INPP5A: variants seen among roughly 807,000 people sequenced by gnomAD.
INPP5A encodes inositol polyphosphate-5-phosphatase A.
INPP5A carries 14 observed loss-of-function variants against 65.2 expected under a neutral mutation model. The ratio of observed to expected loss-of-function variants is 0.21; its 90% confidence interval spans 0.14 to 0.34. INPP5A has a LOEUF of 0.34. INPP5A is among the 10% of genes least tolerant of loss of function. The probability of loss-of-function intolerance (pLI) is 1.00; values close to 1 mark genes in which losing one functional copy is unlikely to be tolerated. For synonymous variants in INPP5A, 207 were observed against 208.3 expected (o/e 0.99, Z 0.05); for missense variants, 431 against 545.6 (o/e 0.79, Z 2.09).
At position 132,545,304 on chromosome 10, in the gene INPP5A, A is replaced by G. The variant is rs749721377; in HGVS notation, c.75+7133A>G. Among the ~76,000 whole-genome samples, 1 of 152,168 alleles carries G rather than the reference A, an allele frequency of 6.6e-6. No homozygotes were observed. The highest frequency in any genetic ancestry group is 6.5e-5 in the Admixed American group (1 of 15,290). On this transcript the variant is annotated intron_variant, in intron 1 of 15. Coordinates refer to ENST00000368594, the MANE Select transcript of INPP5A (RefSeq NM_005539.5). This position sits in a 1 kb window ranked among gnomAD's most constrained non-coding sequence, Gnocchi z 4.6. Reference sequence around the variant, plus strand: ...TGCCCCACCGTGAAGCATCAAATTTAGAGCCCCTCTGTCCAGGGGCTAGAG... The same window carrying G: ...TGCCCCACCGTGAAGCATCAAATTTGGAGCCCCTCTGTCCAGGGGCTAGAG...
rs543267029 is a variant in INPP5A, at chr10:132,686,539, T to C, written c.307-3853T>C. On this transcript the variant is annotated intron_variant, in intron 4 of 15. Coordinates refer to ENST00000368594, the MANE Select transcript of INPP5A (RefSeq NM_005539.5). ...TGGTGTCTGTGATAAATGGGTGCCC[T>C]GAACCGTATTGATGGGACAGGGTAA... 1.1e-4 allele frequency among the ~76,000 whole-genome samples: 17 copies of C among 152,296 alleles called. No individual in the cohort carries two copies. The South Asian group carries it at 3.1e-3, about 28-fold the overall frequency.
chr10:132,614,992 G>A (rs112815099), intron 2 of INPP5A, among the ~76,000 whole-genome samples: 5,564 of 152,312 alleles, frequency 0.037, 313 homozygotes, highest in African/African-American at 0.13. Context: ...TTTTGTTGCC[G>A]CAGCCTGAGT....
chr10:132,585,818 C>T lies in INPP5A; in HGVS notation c.76-22097C>T, dbSNP rs149611757. On this transcript the variant is annotated intron_variant, in intron 1 of 15. Coordinates refer to ENST00000368594, the MANE Select transcript of INPP5A (RefSeq NM_005539.5). ...TGTGACGCTCCCCACAGATGTGTGT[C>T]GTCAGCGGCTGCCCTGCAGGTGGAG... is the stretch of plus-strand genomic sequence containing the variant. Among the ~76,000 whole-genome samples the T allele has an allele frequency of 5.0e-4, 76 of 152,298 alleles. No individual in the cohort carries two copies. In the East Asian group the frequency reaches 0.014, roughly 27 times the overall value.
At chr10:132,635,212 A>G (rs2072328332) in intron 2 of INPP5A, among the ~76,000 whole-genome samples, 1 of 152,142 alleles carries the variant, frequency 6.6e-6, no homozygotes, top group East Asian at 1.9e-4. Context: ...AGTCTAGACC[A>G]CTAACCCTGT....
chr10:132,752,950 G>A (rs1018494234), intron 11 of INPP5A, among the ~76,000 whole-genome samples: 2 of 152,128 alleles, frequency 1.3e-5, no homozygotes, highest in Non-Finnish European at 1.5e-5. Flanking sequence ...TGAGGCACCC[G>A]GTGTGATTGC....
chr10:132,724,403 C>T (rs1179682988), intron 8 of INPP5A, among the ~76,000 whole-genome samples: 1 of 152,196 alleles, frequency 6.6e-6, no homozygotes, highest in Non-Finnish European at 1.5e-5. Flanking sequence ...GTGGGGGCTC[C>T]ATGCCCGCGT....
At chr10:132,540,222 A>G (rs2070891053) in intron 1 of INPP5A, among the ~76,000 whole-genome samples, 1 of 152,198 alleles carries the variant, frequency 6.6e-6, no homozygotes, top group South Asian at 2.1e-4. Flanking sequence ...CTTTCCAGTA[A>G]TCTTTGATTC....
chr10:132,738,418 C>T (rs754675091), intron 9 of INPP5A, among the ~76,000 whole-genome samples: 1 of 152,244 alleles, frequency 6.6e-6, no homozygotes, highest in African/African-American at 2.4e-5. Flanking sequence ...TTGCCACATC[C>T]CCCTCCCCAC....
chr10:132,730,751 C>T (rs1197440075), intron 9 of INPP5A, among the ~76,000 whole-genome samples: 2 of 152,186 alleles, frequency 1.3e-5, no homozygotes, highest in Non-Finnish European at 2.9e-5. Context: ...TCTTGAAGTC[C>T]CAGCCGCGTT....
chr10:132,662,152 C>T (rs61862799), intron 4 of INPP5A, among the ~76,000 whole-genome samples: 42 of 152,274 alleles, frequency 2.8e-4, no homozygotes, highest in Non-Finnish European at 4.6e-4. Flanking sequence ...CCTATGAAGA[C>T]GACCGTGGCA....
chr10:132,665,818 G>A (rs1007467753), intron 4 of INPP5A, among the ~76,000 whole-genome samples: 1 of 151,932 alleles, frequency 6.6e-6, no homozygotes, highest in Non-Finnish European at 1.5e-5. Flanking sequence ...ACTCTGGGAG[G>A]CTGAGGCAGG....
At chr10:132,723,976 A>G (rs572303468) in intron 8 of INPP5A, among the ~76,000 whole-genome samples, 2 of 152,314 alleles carry the variant, frequency 1.3e-5, no homozygotes, top group East Asian at 3.9e-4. Context: ...GTTACAACTG[A>G]GATTTAACCT....
At chr10:132,690,505 C>T (rs758946278) in intron 5 of INPP5A, 50 bp downstream of exon 5, 4 of 1,388,532 alleles carry the variant, frequency 2.9e-6, no homozygotes, top group Non-Finnish European at 4.1e-6. Context: ...CTCACCCCTC[C>T]TGGTGTCTGG....
rs2072967323 is a variant in INPP5A at position 132,676,578 on chromosome 10, CAG to C, written c.307-13813_307-13812del. On this transcript the variant is annotated intron_variant, in intron 4 of 15. Coordinates refer to ENST00000368594, the MANE Select transcript of INPP5A (RefSeq NM_005539.5). The surrounding 1 kb of genome is among the most constrained non-coding windows in gnomAD (Gnocchi z 4.0). ...AACACAAGCAGGTGACTGTGTGGGACAGGGCTGCCCAAACCGCCGCTGGCCTA... is the reference window on the plus strand; with the variant it reads ...AACACAAGCAGGTGACTGTGTGGGACGGCTGCCCAAACCGCCGCTGGCCTA... Among the ~76,000 whole-genome samples the C allele has an allele frequency of 2.0e-5, 3 of 152,180 alleles. No individual in the cohort carries two copies. The South Asian group carries it at 6.2e-4, about 32-fold the overall frequency.
Position 132,741,524 on chromosome 10 carries a change from C to T in INPP5A, c.733-7993C>T, listed in dbSNP as rs12267464. 0.015 allele frequency among the ~76,000 whole-genome samples: 2,343 copies of T among 152,288 alleles called. 64 individuals carry two copies. Among genetic ancestry groups the T allele is most frequent in the African/African-American group, 0.052 (2,162 of 41,546 alleles). On this transcript the variant is annotated intron_variant, in intron 9 of 15. Transcript: ENST00000368594. This position sits in a 1 kb window ranked among gnomAD's most constrained non-coding sequence, Gnocchi z 4.4. The stretch of plus-strand genomic sequence containing the variant: ...CCGAATGAAGCTGGAGGCTGCTGTC[C>T]ACTCCACAGAACCCTGGCCCTCGTC...
Position 132,546,509 on chromosome 10 carries a change from G to C in INPP5A, c.75+8338G>C, listed in dbSNP as rs761029208. On this transcript the variant is annotated intron_variant, in intron 1 of 15. Coordinates refer to ENST00000368594, the MANE Select transcript of INPP5A (RefSeq NM_005539.5). The surrounding 1 kb of genome is among the most constrained non-coding windows in gnomAD (Gnocchi z 5.7). Reference sequence around the variant, plus strand: ...AGACTCCTCTTCAGGGGTTGCTGGGGACCAGCTGGTTGCTGTGTCGGGGGG... The same window carrying C: ...AGACTCCTCTTCAGGGGTTGCTGGGCACCAGCTGGTTGCTGTGTCGGGGGG... Among the ~76,000 whole-genome samples the C allele has an allele frequency of 6.6e-6, 1 of 152,062 alleles. No individual in the cohort carries two copies. The highest frequency in any genetic ancestry group is 1.5e-5 in the Non-Finnish European group (1 of 67,980).
At chr10:132,716,693 G>C (rs1218754939) in intron 8 of INPP5A, among the ~76,000 whole-genome samples, 3 of 152,350 alleles carry the variant, frequency 2.0e-5, no homozygotes, top group Admixed American at 2.0e-4. Context: ...AGGAGTGGGG[G>C]GTCCTGGAGG....
chr10:132,579,315 C>G (rs540068054), intron 1 of INPP5A, among the ~76,000 whole-genome samples: 35 of 152,124 alleles, frequency 2.3e-4, no homozygotes, highest in Non-Finnish European at 4.3e-4. Context: ...GCTGTCGTGC[C>G]CCTGAGTGAG....
chr10:132,726,390 C>A (rs1048331554), intron 8 of INPP5A, among the ~76,000 whole-genome samples: 2 of 152,184 alleles, frequency 1.3e-5, no homozygotes, highest in African/African-American at 2.4e-5. Context: ...TCCCTCCTCC[C>A]GTCTGTCTCC....
Sources: gnomAD v4.1 joint callset for allele counts (sites outside exome capture counted in the v4.1 genomes callset) on GRCh38, gnomAD v4.1.1 for gene constraint, Gnocchi (gnomAD v3.1) non-coding constraint, MANE v1.5 for transcripts, NCBI Gene and HGNC (gene_info 2026-07-23, HGNC 2026-07-21) for gene names.